The following STIM2 variants were observed in gnomAD, a reference collection of about 807,000 sequenced individuals.
The protein encoded by STIM2 is stromal interaction molecule 2.
Under a neutral mutation model 85.8 loss-of-function variants are expected in STIM2, and 31 were observed. That is an observed-to-expected ratio of 0.36 (90% CI 0.27 to 0.49). The LOEUF (loss-of-function observed/expected upper bound fraction) is 0.49. Ranked by LOEUF, STIM2 falls within the 20% of genes least tolerant of loss-of-function variation. The pLI is 0.98. For missense variants in STIM2, 841 were observed against 927.6 expected (o/e 0.91, Z 1.21); for synonymous variants, 356 against 331.1 (o/e 1.08, Z -0.82).
intron 2 of STIM2, among the ~76,000 whole-genome samples, chr4:26,947,169 A>G (rs1395461051): frequency 3.3e-5 from 5 of 152,152 alleles, no homozygotes; most frequent in Non-Finnish European, 7.4e-5. Context: ...GTATTCTCCC[A>G]TGATAACATC....
intron 1 of STIM2, among the ~76,000 whole-genome samples, chr4:26,867,811 C>A (rs1230926347): frequency 6.6e-6 from 1 of 152,186 alleles, no homozygotes; most frequent in East Asian, 1.9e-4. Flanking sequence ...TAACTGTTTT[C>A]CTTGACTGGT....
chr4:26,986,901 A>G (rs758889660), intron 3 of STIM2, among the ~76,000 whole-genome samples: 5 of 152,258 alleles, frequency 3.3e-5, no homozygotes, highest in Admixed American at 6.5e-5. Flanking sequence ...TGTGTTTTCT[A>G]CAGTCCTTGT....
intron 5 of STIM2, 21 bp from the exon 6 acceptor site, chr4:27,002,196 C>A: frequency 1.3e-6 from 2 of 1,552,808 alleles, no homozygotes; most frequent in Non-Finnish European, 1.7e-6. Flanking sequence ...TTAATTTAAT[C>A]ATCTGTAATT....
chr4:27,000,455 G>GGATT (rs1441645449), intron 5 of STIM2, among the ~76,000 whole-genome samples: 6 of 152,132 alleles, frequency 3.9e-5, no homozygotes, highest in Non-Finnish European at 8.8e-5. Flanking sequence ...ATCCATTGGG[G>GGATT]GATTGTCTTC....
intron 11 of STIM2, among the ~76,000 whole-genome samples, chr4:27,020,581 T>C (rs1369243429): frequency 6.6e-6 from 1 of 152,204 alleles, no homozygotes; most frequent in African/African-American, 2.4e-5. Context: ...CATAGACATA[T>C]GTGAGTAAAG....
intron 2 of STIM2, among the ~76,000 whole-genome samples, chr4:26,937,805 G>A (rs1483602926): frequency 2.6e-5 from 4 of 152,122 alleles, no homozygotes; most frequent in Non-Finnish European, 4.4e-5. Context: ...CCCTCACTAA[G>A]TTGTTATTAA....
At chr4:26,873,157 T>C (rs925370101) in intron 1 of STIM2, among the ~76,000 whole-genome samples, 3 of 152,252 alleles carry the variant, frequency 2.0e-5, no homozygotes, top group South Asian at 2.1e-4. Context: ...CCCCACACTT[T>C]GGGAGGCCGA....
rs1170070824 is a variant in STIM2, at chr4:27,017,911, G to A, written c.1690G>A (p.Val564Met). 1 of 1,614,130 alleles carries A rather than the reference G, an allele frequency of 6.2e-7. No individual in the cohort carries two copies. Among genetic ancestry groups the A allele is most frequent in the Non-Finnish European group, 8.5e-7 (1 of 1,180,028 alleles). Residue 564 changes from valine to methionine, a missense_variant, in exon 11 of 12, where the codon GTG becomes ATG. This residue lies in a region of STIM2 where 293 missense variants were observed against 284.5 expected (regional missense o/e 1.03). Coordinates refer to ENST00000467087, the MANE Select transcript of STIM2 (RefSeq NM_020860.4). The stretch of plus-strand genomic sequence containing the variant: ...TTCCCCTGATCCAGATATCCTCTCA[G>A]TGTCAAGTTGCCCTGCGCTTTATCG...
At chr4:26,932,173 A>G (rs1725227935) in intron 2 of STIM2, among the ~76,000 whole-genome samples, 1 of 152,200 alleles carries the variant, frequency 6.6e-6, no homozygotes, top group South Asian at 2.1e-4. Context: ...CTTGTAAATG[A>G]TAGAGTTGAG....
At chr4:26,971,527 C>T (rs28850050) in intron 3 of STIM2, among the ~76,000 whole-genome samples, 2,738 of 152,208 alleles carry the variant, frequency 0.018, 94 homozygotes, top group African/African-American at 0.062. Flanking sequence ...TTGTTTTTGT[C>T]AGGTTTGTCA....
At chr4:26,946,118 C>T (rs890551084) in intron 2 of STIM2, among the ~76,000 whole-genome samples, 1 of 151,996 alleles carries the variant, frequency 6.6e-6, no homozygotes, top group African/African-American at 2.4e-5. Context: ...TTAAGTTGAA[C>T]CATAGGCAAA....
rs548403579 is a variant in STIM2 at position 26,882,044 on chromosome 4, T to C, written c.151+20675T>C. ...AGTGTTTTTATTGAAACAGAATCTT[T>C]GGTATTTTCAGTGAAATGTCATGTT... On this transcript the variant is annotated intron_variant, in intron 1 of 11. Transcript: ENST00000467087. Among the ~76,000 whole-genome samples, 4 of 152,192 alleles carry C rather than the reference T, an allele frequency of 2.6e-5. No homozygotes were observed. The East Asian group carries it at 7.7e-4, about 29-fold the overall frequency.
rs1354358540 is a variant in STIM2 at position 27,024,730 on chromosome 4, G to A, written c.*1734G>A. The A allele has an allele frequency of 6.6e-6, 1 of 152,204 alleles. No homozygotes were observed. The highest frequency in any genetic ancestry group is 1.5e-5 in the Non-Finnish European group (1 of 68,056). The allele number at this position is 152,204 out of a possible 1,614,324, so 9.4% of individuals were successfully genotyped here. A position where few individuals can be genotyped will look rare whatever the true frequency, so the allele number is the denominator to read the frequency against. On this transcript the variant is annotated 3_prime_UTR_variant, in exon 12 of 12. Coordinates refer to ENST00000467087, the MANE Select transcript of STIM2 (RefSeq NM_020860.4). ...AAGATAACCTGAGAGGTAGGGTTGA[G>A]GAACACAGGGTTGAAAGCTGTTGGA... is the stretch of plus-strand genomic sequence containing the variant.
intron 3 of STIM2, among the ~76,000 whole-genome samples, chr4:26,968,122 G>A (rs930933641): frequency 6.6e-6 from 1 of 152,138 alleles, no homozygotes; most frequent in Admixed American, 6.5e-5. Flanking sequence ...AGTGAGCCAT[G>A]TTTGTGCCAC....
intron 2 of STIM2, among the ~76,000 whole-genome samples, chr4:26,938,912 T>G (rs1725496119): frequency 6.6e-6 from 1 of 152,154 alleles, no homozygotes; most frequent in African/African-American, 2.4e-5. Context: ...ATTTCCAGTT[T>G]GTTTTTTTTT....
chr4:26,888,574 C>A (rs1031586554), intron 1 of STIM2, among the ~76,000 whole-genome samples: 1 of 152,146 alleles, frequency 6.6e-6, no homozygotes, highest in Non-Finnish European at 1.5e-5. Flanking sequence ...TTTATGATTA[C>A]CTTCTTGCAC....
intron 1 of STIM2, chr4:26,874,233 GGGGTCTCCTGGATGGCTGGCCACA>G (rs1722733822): frequency 2.3e-6 from 1 of 438,338 alleles, no homozygotes; most frequent in African/African-American, 2.1e-5. Context: ...GGCTGCGGCA[GGGGTCTCCTGGATGGCTGGCCACA>G]GGCTGCAGCT....
In STIM2 at chr4:26,877,751, G is replaced by A. The variant is rs567883118; in HGVS notation, c.151+16382G>A. On this transcript the variant is annotated intron_variant, in intron 1 of 11. Transcript: ENST00000467087. ...ATTTTGTGCTTTAGATGGACTGAGT[G>A]GTGTTCCTACTTGCTATGGTTTGAA... Among the ~76,000 whole-genome samples, 7 of 152,122 alleles carry A rather than the reference G, an allele frequency of 4.6e-5. No homozygotes were observed. The South Asian group carries it at 1.0e-3, about 23-fold the overall frequency.
chr4:26,947,780 G>C (rs1319797903), intron 2 of STIM2, among the ~76,000 whole-genome samples: 1 of 151,952 alleles, frequency 6.6e-6, no homozygotes, highest in Non-Finnish European at 1.5e-5. Context: ...CTGTTGTTTT[G>C]TTTTTAACAA....
Sources: gnomAD v4.1 joint callset for allele counts (sites outside exome capture counted in the v4.1 genomes callset) on GRCh38, gnomAD v4.1.1 for gene constraint, gnomAD v4.1.1 regional missense constraint, MANE v1.5 for transcripts, NCBI Gene and HGNC (gene_info 2026-07-23, HGNC 2026-07-21) for gene names.